Variants in JARID2 observed in about 807,000 individuals in gnomAD.
The protein encoded by JARID2 is jumonji and AT-rich interaction domain containing 2.
A neutral mutation model predicts 125.6 loss-of-function variants in JARID2; 21 were observed. The ratio of observed to expected loss-of-function variants is 0.17; its 90% CI spans 0.12 to 0.24. The LOEUF (loss-of-function observed/expected upper bound fraction) is 0.24, where lower values mean the gene tolerates loss of function less well. JARID2 is among the 10% of genes least tolerant of loss of function. The pLI, the probability that JARID2 is intolerant of heterozygous loss-of-function variation, is 1.00. For synonymous variants in JARID2, 736 were observed against 661.6 expected (o/e 1.11, Z -1.73); for missense variants, 1,303 against 1,639.6 (o/e 0.79, Z 3.55).
intron 2 of JARID2, among the ~76,000 whole-genome samples, chr6:15,390,056 A>G (rs1764939947): frequency 6.6e-6 from 1 of 152,154 alleles, no homozygotes; most frequent in Non-Finnish European, 1.5e-5. Flanking sequence ...CAGGTGTCCC[A>G]CCTTCTAAGG....
intron 1 of JARID2, among the ~76,000 whole-genome samples, chr6:15,287,383 T>C (rs1761044130): frequency 6.6e-6 from 1 of 152,216 alleles, no homozygotes; most frequent in East Asian, 1.9e-4. Flanking sequence ...TGTTTCTTTG[T>C]CCTTTGTTGA....
chr6:15,352,603 A>G (rs1334173891), intron 1 of JARID2, among the ~76,000 whole-genome samples: 3 of 151,550 alleles, frequency 2.0e-5, no homozygotes, highest in African/African-American at 7.3e-5. Flanking sequence ...TTTCCACCTT[A>G]CTCTCCCTTA....
intron 7 of JARID2, among the ~76,000 whole-genome samples, chr6:15,497,497 A>G (rs1770511126): frequency 6.6e-6 from 1 of 151,932 alleles, no homozygotes; most frequent in Non-Finnish European, 1.5e-5. Flanking sequence ...AAAATACAAA[A>G]AAATTAGCCG....
At chr6:15,355,945 CAAAGAGA>C (rs1763585127) in intron 1 of JARID2, among the ~76,000 whole-genome samples, 1 of 152,112 alleles carries the variant, frequency 6.6e-6, no homozygotes, top group Non-Finnish European at 1.5e-5. Flanking sequence ...TCATCACTCT[CAAAGAGA>C]AACCCGATAT....
At chr6:15,502,728 C>A (rs1293730985) in intron 8 of JARID2, among the ~76,000 whole-genome samples, 1 of 152,174 alleles carries the variant, frequency 6.6e-6, no homozygotes, top group African/African-American at 2.4e-5. Context: ...AAAGAGGTAC[C>A]CAGTTTTTCT....
intron 1 of JARID2, among the ~76,000 whole-genome samples, chr6:15,258,009 A>G (rs1280386905): frequency 6.6e-6 from 1 of 152,234 alleles, no homozygotes; most frequent in Non-Finnish European, 1.5e-5. Flanking sequence ...TTATTCTTAT[A>G]TGTATGAAAT....
At chr6:15,306,332 T>TC (rs1355193245) in intron 1 of JARID2, among the ~76,000 whole-genome samples, 27 of 132,438 alleles carry the variant, frequency 2.0e-4, no homozygotes, top group African/African-American at 6.9e-4. Context: ...ATATTTCTTT[T>TC]TTTTTTTTTT....
chr6:15,491,730 C>T (rs2127725323), intron 6 of JARID2, among the ~76,000 whole-genome samples: 1 of 152,268 alleles, frequency 6.6e-6, no homozygotes, highest in South Asian at 2.1e-4. Flanking sequence ...TCCTTTTCAT[C>T]TGTCATCATA....
At chr6:15,277,298 A>G (rs141078207) in intron 1 of JARID2, among the ~76,000 whole-genome samples, 109 of 152,088 alleles carry the variant, frequency 7.2e-4, no homozygotes, top group African/African-American at 2.5e-3. Context: ...TTATTTACCT[A>G]TTTTTTATAG....
chr6:15,300,719 G>GTT (rs1761585686), intron 1 of JARID2, among the ~76,000 whole-genome samples: 1 of 135,624 alleles, frequency 7.4e-6, no homozygotes, highest in Admixed American at 7.1e-5. Flanking sequence ...GTGTGTGTGT[G>GTT]TGTGAGAGAG....
chr6:15,485,262 A>G (rs893851937), intron 5 of JARID2, among the ~76,000 whole-genome samples: 1 of 152,216 alleles, frequency 6.6e-6, no homozygotes, highest in African/African-American at 2.4e-5. Context: ...CACAACCGAT[A>G]ATCCAGATGG....
At chr6:15,261,423 T>A (rs1198413293) in intron 1 of JARID2, among the ~76,000 whole-genome samples, 2 of 151,594 alleles carry the variant, frequency 1.3e-5, no homozygotes, top group Non-Finnish European at 2.9e-5. Flanking sequence ...GTTCAAGCGC[T>A]TCTCTTGCCT....
intron 12 of JARID2, among the ~76,000 whole-genome samples, chr6:15,510,565 C>T (rs1274433700): frequency 1.3e-5 from 2 of 152,218 alleles, no homozygotes; most frequent in Non-Finnish European, 2.9e-5. Context: ...TGTGAGCCAC[C>T]ACTTCCCCAG....
chr6:15,407,154 C>T (rs533157313), intron 2 of JARID2, among the ~76,000 whole-genome samples: 46 of 152,064 alleles, frequency 3.0e-4, no homozygotes, highest in African/African-American at 9.4e-4. Flanking sequence ...CCCAGCCATT[C>T]GGGAGGCTGG....
intron 1 of JARID2, among the ~76,000 whole-genome samples, chr6:15,323,523 G>A (rs1057232488): frequency 9.2e-5 from 14 of 152,154 alleles, no homozygotes; most frequent in Admixed American, 2.6e-4. Flanking sequence ...TTTTACTTCA[G>A]ATCTTCAAAT....
At chr6:15,332,702 T>C (rs1282109316) in intron 1 of JARID2, among the ~76,000 whole-genome samples, 1 of 152,140 alleles carries the variant, frequency 6.6e-6, no homozygotes, top group Non-Finnish European at 1.5e-5. Context: ...TTGCAAGACC[T>C]GAACAGTTCA....
intron 6 of JARID2, among the ~76,000 whole-genome samples, chr6:15,494,544 G>A (rs1770315350): frequency 1.3e-5 from 2 of 150,274 alleles, no homozygotes; most frequent in South Asian, 4.2e-4. Context: ...AAGTAGCTGG[G>A]ACTACAGGCG....
At chr6:15,281,656 C>T (rs140319939) in intron 1 of JARID2, among the ~76,000 whole-genome samples, 5 of 152,316 alleles carry the variant, frequency 3.3e-5, no homozygotes, top group Admixed American at 3.3e-4. Context: ...CTTTTTCTCA[C>T]GTAACAATAT....
At chr6:15,483,848 C>T (rs1179204456) in intron 5 of JARID2, among the ~76,000 whole-genome samples, 1 of 152,176 alleles carries the variant, frequency 6.6e-6, no homozygotes, top group Non-Finnish European at 1.5e-5. Flanking sequence ...AACCATTTTG[C>T]ATTTCCGCCA....
Sources: gnomAD v4.1 joint callset for allele counts (sites outside exome capture counted in the v4.1 genomes callset) on GRCh38, gnomAD v4.1.1 for gene constraint, MANE v1.5 for transcripts, NCBI Gene and HGNC (gene_info 2026-07-23, HGNC 2026-07-21) for gene names.